The following TOP2B variants were observed in gnomAD, a reference collection of about 807,000 sequenced individuals.
TOP2B encodes the protein DNA topoisomerase II beta.
A neutral mutation model predicts 193.5 loss-of-function variants in TOP2B; 51 were observed. That is an observed-to-expected ratio of 0.26 (90% confidence interval 0.21 to 0.33). The LOEUF (loss-of-function observed/expected upper bound fraction) is 0.33. Among genes scored for constraint, TOP2B ranks in the 10% least tolerant of loss-of-function variants. The pLI is 1.00. For synonymous variants in TOP2B, 634 were observed against 635.7 expected, an observed-to-expected ratio of 1.00 and a Z score of 0.04; for missense variants, 1,378 against 1,909.3, an observed-to-expected ratio of 0.72 and a Z score of 5.19.
intron 16 of TOP2B, 153 bp downstream of exon 16, chr3:25,627,034 T>C: frequency 1.4e-6 from 1 of 696,730 alleles, no homozygotes; most frequent in Non-Finnish European, 2.4e-6. Context: ...ATTAAAGAAG[T>C]TTATACAAGC....
At chr3:25,631,005 G>A (rs1035258521) in intron 10 of TOP2B, 66 bp from the exon 11 acceptor site, 3 of 1,381,828 alleles carry the variant, frequency 2.2e-6, no homozygotes, top group Non-Finnish European at 2.9e-6. Flanking sequence ...AAAATGTATA[G>A]GGCCTAATGC....
chr3:25,653,567 C>T (rs1703657788), intron 1 of TOP2B, among the ~76,000 whole-genome samples: 1 of 152,040 alleles, frequency 6.6e-6, no homozygotes, highest in South Asian at 2.1e-4. Context: ...GTAGCTAGTA[C>T]TACAACTGTG....
At chr3:25,598,610 A>G (rs1701995624) in intron 35 of TOP2B, 133 bp from the exon 36 acceptor site, 1 of 649,282 alleles carries the variant, frequency 1.5e-6, no homozygotes, top group Non-Finnish European at 2.3e-6. Context: ...TAGAATCATA[A>G]TGCTAACCTA....
rs1490561186 is a variant in TOP2B, at chr3:25,630,115, C to T, written c.1603G>A (p.Val535Ile). 1 of 1,587,236 alleles carries T rather than the reference C, an allele frequency of 6.3e-7. No individual in the cohort carries two copies. The highest frequency in any genetic ancestry group is 8.6e-7 in the Non-Finnish European group (1 of 1,165,178). The change falls in exon 13 of 36, where the codon GTT becomes ATT. Residue 535 changes from valine to isoleucine, a missense_variant. Val to Ile is a conservative substitution (Grantham distance 29, BLOSUM62 3). This residue lies in a region of TOP2B where 66 missense variants were observed against 153.3 expected (regional missense o/e 0.43). Transcript: ENST00000264331. ...NAEINNIIKIVGLQYKKSYDD... is the reference protein window; with the variant it reads ...NAEINNIIKIIGLQYKKSYDD... ...TAACTTTTCTTATATTGTAGACCAA[C>T]TATTTTAATAATATTATTTATTTCA... is the stretch of plus-strand genomic sequence containing the variant.
At chr3:25,623,276 G>T (rs1702710323) in intron 21 of TOP2B, among the ~76,000 whole-genome samples, 1 of 152,108 alleles carries the variant, frequency 6.6e-6, no homozygotes, top group African/African-American at 2.4e-5. Context: ...TGAAAACCTG[G>T]AATATGAGGT....
At chr3:25,604,691 TA>T (rs1411115104) in intron 33 of TOP2B, 68 bp downstream of exon 33, 6 of 1,280,084 alleles carry the variant, frequency 4.7e-6, no homozygotes, top group Non-Finnish European at 6.6e-6. Context: ...AGTTTCAAAT[TA>T]AATTACATTT....
intron 10 of TOP2B, among the ~76,000 whole-genome samples, chr3:25,631,444 A>G (rs1702953519): frequency 6.6e-6 from 1 of 152,086 alleles, no homozygotes; most frequent in African/African-American, 2.4e-5. Context: ...TTTCAACATT[A>G]CATATTGTTT....
At chr3:25,638,080 C>T (rs1263455473) in intron 5 of TOP2B, 85 bp downstream of exon 5, 20 of 1,267,108 alleles carry the variant, frequency 1.6e-5, no homozygotes, top group Admixed American at 1.0e-4. Context: ...TTTCTCACAC[C>T]AAAACTGCAC....
chr3:25,609,579 T>C lies in TOP2B; in HGVS notation c.3920A>G (p.Lys1307Arg), dbSNP rs1702318720. Residue 1307 changes from lysine (K) to arginine (R), a missense_variant, in exon 29 of 36, where the codon AAG becomes AGG. Coordinates refer to ENST00000264331, the MANE Select transcript of TOP2B (RefSeq NM_001330700.2). ...INKGPKPKRE[K>R]KEPGTRVRKT... ...TAATCATTTCTCACCAGGCTCCTTC[T>C]TCTCCCTCTTAGGTTTGGGACCTTT... 1.2e-6 allele frequency: 2 copies of C among 1,606,716 alleles called. No individual in the cohort carries two copies. The highest frequency in any genetic ancestry group is 1.7e-6 in the Non-Finnish European group (2 of 1,176,278).
chr3:25,634,353 A>G (rs1703043254), intron 7 of TOP2B, among the ~76,000 whole-genome samples: 1 of 152,114 alleles, frequency 6.6e-6, no homozygotes, highest in African/African-American at 2.4e-5. Flanking sequence ...CATCCTTGTA[A>G]GAAAACGGGT....
intron 35 of TOP2B, 38 bp from the exon 36 acceptor site, chr3:25,598,515 G>A (rs780610436): frequency 1.3e-6 from 2 of 1,493,590 alleles, no homozygotes; most frequent in Non-Finnish European, 9.0e-7. Flanking sequence ...GTTATGAAAG[G>A]AAGTAAAGAC....
chr3:25,609,386 T>C (rs1455207127), intron 29 of TOP2B, 42 bp from the exon 30 acceptor site: 7 of 1,510,376 alleles, frequency 4.6e-6, no homozygotes, highest in Admixed American at 4.7e-5. Context: ...TCCATATTTA[T>C]AGAAATGTCA....
Position 25,620,820 on chromosome 3 carries a change from T to C in TOP2B, c.2728-4A>G, listed in dbSNP as rs200157789. The C allele has an allele frequency of 2.5e-6, 4 of 1,612,656 alleles. No individual in the cohort carries two copies. Among genetic ancestry groups the C allele is most frequent in the Non-Finnish European group, 3.4e-6 (4 of 1,179,212 alleles). On this transcript the variant is annotated splice_region_variant and splice_polypyrimidine_tract_variant and intron_variant, in intron 21 of 35. Transcript: ENST00000264331. ...TAAAGTTTTTGTAGTTTGGAAGCTG[T>C]AGAGAAAAAGGTAAATAGCATTGAC... is the stretch of plus-strand genomic sequence containing the variant.
At chr3:25,640,763 T>A (rs1005406026) in intron 4 of TOP2B, among the ~76,000 whole-genome samples, 1 of 140,166 alleles carries the variant, frequency 7.1e-6, no homozygotes, top group African/African-American at 3.0e-5. Flanking sequence ...TTTTTTTTTT[T>A]TTTTTTTTTT....
rs780918375 is a variant in TOP2B, at chr3:25,645,418, T to C, written c.122A>G (p.Asn41Ser). The C allele has an allele frequency of 9.9e-6, 16 of 1,613,844 alleles. No homozygotes were observed. The highest frequency in any genetic ancestry group is 1.7e-5 in the Admixed American group (1 of 59,998). ...CAACTTCTTTGAAGAATCATTTTTGTTGGCAGTTTCTGACTCTTCTTTTTT... is the reference window on the plus strand; with the variant it reads ...CAACTTCTTTGAAGAATCATTTTTGCTGGCAGTTTCTGACTCTTCTTTTTT... ...AAKKEESETA[N>S]KNDSSKKLSV... The change falls in exon 2 of 36, where the codon AAC becomes AGC. Residue 41 changes from asparagine to serine, a missense_variant. Physicochemically the swap from Asn to Ser is conservative, Grantham distance 46 (BLOSUM62 1). Around this residue, in one of 9 missense-constraint regions of TOP2B, gnomAD observed 83 missense variants for 59.3 expected, o/e 1.40. Transcript: ENST00000264331.
At chr3:25,655,424 G>C (rs1400534725) in intron 1 of TOP2B, among the ~76,000 whole-genome samples, 3 of 152,142 alleles carry the variant, frequency 2.0e-5, no homozygotes, top group Non-Finnish European at 2.9e-5. Context: ...CTGTTGGTGA[G>C]AATATAAAAT....
intron 1 of TOP2B, among the ~76,000 whole-genome samples, chr3:25,660,397 A>T (rs527284561): frequency 6.6e-6 from 1 of 152,346 alleles, no homozygotes; most frequent in South Asian, 2.1e-4. Flanking sequence ...TACATAAAAA[A>T]TAAAGACTTC....
At position 25,623,695 on chromosome 3, in the gene TOP2B, G is replaced by C; in HGVS notation, c.2547C>G (p.Phe849Leu). ...FPAVDDNLLK[F>L]LYDDNQRVEP... ...CTACACGTTGATTATCATCATAAAG[G>C]AACTTAAGGAGGTTGTCATCCACAG... The change falls in exon 21 of 36, where the codon TTC becomes TTG. Residue 849 changes from phenylalanine to leucine, a missense_variant. Physicochemically the swap from Phe to Leu is conservative, Grantham distance 22 (BLOSUM62 0). This residue lies in a region of TOP2B where 379 missense variants were observed against 615.1 expected (regional missense o/e 0.62). Transcript: ENST00000264331. The C allele has an allele frequency of 6.2e-7, 1 of 1,613,724 alleles. No individual in the cohort carries two copies. The highest frequency in any genetic ancestry group is 8.5e-7 in the Non-Finnish European group (1 of 1,179,792).
chr3:25,600,278 T>C (rs1277963057), intron 34 of TOP2B, among the ~76,000 whole-genome samples: 1 of 152,198 alleles, frequency 6.6e-6, no homozygotes, highest in African/African-American at 2.4e-5. Context: ...ATTTTATATC[T>C]TTAAAATCCC....
Sources: gnomAD v4.1 joint callset for allele counts (sites outside exome capture counted in the v4.1 genomes callset) on GRCh38, gnomAD v4.1.1 for gene constraint, gnomAD v4.1.1 regional missense constraint, MANE v1.5 for transcripts, NCBI Gene and HGNC (gene_info 2026-07-23, HGNC 2026-07-21) for gene names.